KCTD10: variants seen among roughly 807,000 people sequenced by gnomAD.
KCTD10 encodes potassium channel tetramerization domain containing 10.
In KCTD10, 13 loss-of-function variants were observed where a neutral mutation model predicts 34.6. The ratio of observed to expected loss-of-function variants is 0.38; its 90% CI spans 0.24 to 0.60. The LOEUF (loss-of-function observed/expected upper bound fraction) is 0.60. Among genes scored for constraint, KCTD10 ranks in the 20% least tolerant of loss-of-function variants. KCTD10 has a pLI of 0.66. For missense variants in KCTD10, 256 were observed against 420.3 expected (o/e 0.61, Z 3.42); for synonymous variants, 156 against 168.8 (o/e 0.92, Z 0.59).
In KCTD10 at chr12:109,460,868, G is replaced by A; in HGVS notation, c.218-63C>T. On this transcript the variant is annotated intron_variant, in intron 2 of 6. Coordinates refer to ENST00000228495, the MANE Select transcript of KCTD10 (RefSeq NM_031954.5). This position sits in a 1 kb window ranked among gnomAD's most constrained non-coding sequence, Gnocchi z 4.5. ...CTCCTCTTGTGGGAGGCCCTGAGCAGAGCTGGGGTGTCTCTCGGCTCCCTC... is the reference window on the plus strand; with the variant it reads ...CTCCTCTTGTGGGAGGCCCTGAGCAAAGCTGGGGTGTCTCTCGGCTCCCTC... The A allele has an allele frequency of 2.6e-6, 4 of 1,524,154 alleles. No homozygotes were observed. The South Asian group carries it at 4.7e-5, about 18-fold the overall frequency. 94.4% of individuals were successfully genotyped at this position (1,524,154 alleles called of 1,614,324 possible). A position where few individuals can be genotyped will look rare whatever the true frequency, so the allele number is the denominator to read the frequency against.
chr12:109,456,541 C>CA (rs1873026965), intron 5 of KCTD10: 1 of 558,312 alleles, frequency 1.8e-6, no homozygotes, highest in Non-Finnish European at 3.2e-6. Flanking sequence ...ATGGCAGACA[C>CA]GCCCCCCAAA....
At position 109,464,689 on chromosome 12, in the gene KCTD10, A is replaced by G. The variant is rs916756280; in HGVS notation, c.218-3884T>C. ...TAAGATGCAATCAAGCAGTTAAAAGATTAAACTCAAAAGAGCAATACACAT... is the reference window on the plus strand; with the variant it reads ...TAAGATGCAATCAAGCAGTTAAAAGGTTAAACTCAAAAGAGCAATACACAT... On this transcript the variant is annotated intron_variant, in intron 2 of 6. Coordinates refer to ENST00000228495, the MANE Select transcript of KCTD10 (RefSeq NM_031954.5). The G allele has an allele frequency of 6.1e-5, 21 of 343,878 alleles. 1 individual carries two copies. The Admixed American group carries it at 8.0e-4, about 13-fold the overall frequency. The allele number at this position is 343,878 out of a possible 1,614,324, so 21.3% of individuals were successfully genotyped here.
At chr12:109,457,574 G>T in intron 5 of KCTD10, 56 bp downstream of exon 5, 2 of 1,493,290 alleles carry the variant, frequency 1.3e-6, no homozygotes, top group Non-Finnish European at 1.9e-6. Context: ...GGCCTGGCTG[G>T]TGTGAGTGGA....
chr12:109,453,004 T>C (rs1182928475), intron 6 of KCTD10, among the ~76,000 whole-genome samples: 1 of 152,128 alleles, frequency 6.6e-6, no homozygotes, highest in Non-Finnish European at 1.5e-5. Context: ...GGCGTGTTCT[T>C]GTGTTTGTGA....
chr12:109,473,165 G>A (rs1316124224), intron 1 of KCTD10, among the ~76,000 whole-genome samples: 1 of 152,224 alleles, frequency 6.6e-6, no homozygotes, highest in Non-Finnish European at 1.5e-5. Context: ...TGAAGGACAT[G>A]GGCAAGTGGT....
intron 1 of KCTD10, among the ~76,000 whole-genome samples, chr12:109,472,577 G>A (rs914116499): frequency 1.3e-5 from 2 of 151,856 alleles, no homozygotes; most frequent in Non-Finnish European, 2.9e-5. Flanking sequence ...ATTAACCAGT[G>A]ATATATCTAT....
At chr12:109,472,224 A>G (rs538052738) in intron 1 of KCTD10, among the ~76,000 whole-genome samples, 1 of 152,258 alleles carries the variant, frequency 6.6e-6, no homozygotes, top group Non-Finnish European at 1.5e-5. Flanking sequence ...CTTAAAACAC[A>G]TATTGCACAG....
rs1213874426 is a variant in KCTD10, at chr12:109,449,124, G to A, written c.*2471C>T. The A allele has an allele frequency of 6.6e-6, 1 of 152,176 alleles. No individual in the cohort carries two copies. The highest frequency in any genetic ancestry group is 1.5e-5 in the Non-Finnish European group (1 of 68,040). 9.4% of individuals were successfully genotyped at this position (152,176 alleles called of 1,614,324 possible). Reference sequence around the variant, plus strand: ...CAAATCTTGGGCCAGTGTTTTACCTGGATAGTGCTTACATTATAAATATTG... The same window carrying A: ...CAAATCTTGGGCCAGTGTTTTACCTAGATAGTGCTTACATTATAAATATTG... On this transcript the variant is annotated 3_prime_UTR_variant, in exon 7 of 7. Transcript: ENST00000228495.
In KCTD10 at chr12:109,450,239, C is replaced by T; in HGVS notation, c.*1356G>A. The T allele has an allele frequency of 5.0e-6, 2 of 398,626 alleles. No homozygotes were observed. The highest frequency in any genetic ancestry group is 8.8e-6 in the Non-Finnish European group (2 of 226,076). The allele number at this position is 398,626 out of a possible 1,614,324, so 24.7% of individuals were successfully genotyped here. A position where few individuals can be genotyped will look rare whatever the true frequency, so the allele number is the denominator to read the frequency against. The stretch of plus-strand genomic sequence containing the variant: ...CTCTACCTAGTCTAGTCTCAACCAC[C>T]CCTGTCAGTCACGACTCACTCCTGT... On this transcript the variant is annotated 3_prime_UTR_variant, in exon 7 of 7. Transcript: ENST00000228495.
intron 1 of KCTD10, among the ~76,000 whole-genome samples, chr12:109,475,821 T>G (rs1592852025): frequency 6.6e-6 from 1 of 152,220 alleles, no homozygotes; most frequent in East Asian, 1.9e-4. Context: ...TCAACTAAAC[T>G]AAGTCACATA....
chr12:109,466,141 G>C (rs1236508439), intron 2 of KCTD10, among the ~76,000 whole-genome samples: 2 of 152,166 alleles, frequency 1.3e-5, no homozygotes, highest in Admixed American at 1.3e-4. Context: ...TGTCTTCTCA[G>C]AAAAGCCATC....
At position 109,477,296 on chromosome 12, in the gene KCTD10, G is replaced by A; in HGVS notation, c.-34C>T. 1.9e-6 allele frequency: 3 copies of A among 1,613,584 alleles called. No homozygotes were observed. Among genetic ancestry groups the A allele is most frequent in the South Asian group, 1.1e-5 (1 of 90,938 alleles). ...GGAGGACGCAGGAGTCTCCAAACCCGGACTGAGAGAGGCAGGAAACACCCA... is the reference window on the plus strand; with the variant it reads ...GGAGGACGCAGGAGTCTCCAAACCCAGACTGAGAGAGGCAGGAAACACCCA... On this transcript the variant is annotated 5_prime_UTR_variant, in exon 1 of 7. Coordinates refer to ENST00000228495, the MANE Select transcript of KCTD10 (RefSeq NM_031954.5).
chr12:109,452,020 C>T (rs922483552), intron 6 of KCTD10, among the ~76,000 whole-genome samples: 2 of 152,198 alleles, frequency 1.3e-5, no homozygotes, highest in African/African-American at 4.8e-5. Context: ...TGCAGAGAAA[C>T]AGGTCTCCCT....
At chr12:109,471,555 C>T (rs1873887123) in intron 1 of KCTD10, among the ~76,000 whole-genome samples, 1 of 152,216 alleles carries the variant, frequency 6.6e-6, no homozygotes, top group South Asian at 2.1e-4. Flanking sequence ...GAAGCAGTTA[C>T]CCCTCCTTTC....
intron 2 of KCTD10, among the ~76,000 whole-genome samples, chr12:109,462,261 T>G (rs1873369637): frequency 6.6e-6 from 1 of 152,258 alleles, no homozygotes. Context: ...CAGGTTCCCC[T>G]GATGAAACAG....
chr12:109,470,516 T>G, intron 1 of KCTD10: 2 of 985,468 alleles, frequency 2.0e-6, no homozygotes, highest in East Asian at 2.3e-4. Flanking sequence ...CCGGCACATG[T>G]GTACTCAGAG....
chr12:109,471,046 C>T (rs1412911261), intron 1 of KCTD10: 1 of 926,526 alleles, frequency 1.1e-6, no homozygotes, highest in Non-Finnish European at 1.3e-6. Context: ...ATAAACCCAA[C>T]TTTGCTTGAC....
chr12:109,476,987 C>T (rs891787395), intron 1 of KCTD10, among the ~76,000 whole-genome samples: 1 of 152,172 alleles, frequency 6.6e-6, no homozygotes, highest in African/African-American at 2.4e-5. Flanking sequence ...ACCCCTTCCT[C>T]ACGCACACAC....
At chr12:109,467,508 G>T (rs781684149) in intron 2 of KCTD10, among the ~76,000 whole-genome samples, 3 of 152,146 alleles carry the variant, frequency 2.0e-5, no homozygotes, top group African/African-American at 7.2e-5. Context: ...TGTATTCCCA[G>T]CTACACAGAA....
Sources: gnomAD v4.1 joint callset for allele counts (sites outside exome capture counted in the v4.1 genomes callset) on GRCh38, gnomAD v4.1.1 for gene constraint, Gnocchi (gnomAD v3.1) non-coding constraint, MANE v1.5 for transcripts, NCBI Gene and HGNC (gene_info 2026-07-23, HGNC 2026-07-21) for gene names.